SLC38A9: variants seen among roughly 807,000 people sequenced by gnomAD.
SLC38A9 encodes the protein neutral amino acid transporter 9.
A neutral mutation model predicts 62.3 loss-of-function variants in SLC38A9; 48 were observed. The ratio of observed to expected loss-of-function variants is 0.77; its 90% confidence interval spans 0.61 to 0.98. The LOEUF is 0.98. Among genes scored for constraint, SLC38A9 ranks in the 50% least tolerant of loss-of-function variants. The pLI, the probability that SLC38A9 is intolerant of heterozygous loss-of-function variation, is 0.00. For synonymous variants in SLC38A9, 204 were observed against 227.7 expected (o/e 0.90, Z 0.94); for missense variants, 541 against 679.8 (o/e 0.80, Z 2.27).
chr5:55,669,133 C>G, intron 7 of SLC38A9, 95 bp downstream of exon 7: 1 of 737,276 alleles, frequency 1.4e-6, no homozygotes, highest in South Asian at 2.2e-5. Flanking sequence ...AAGTAGACAG[C>G]TGACACACAT....
At position 55,626,323 on chromosome 5, in the gene SLC38A9, C is replaced by A; in HGVS notation, c.*171G>T. On this transcript the variant is annotated 3_prime_UTR_variant, in exon 16 of 16. Transcript: ENST00000396865. ...AAGATCATTCTTTTTGCCCCTTTCCCCACCCCAATAAAAAAATACTCATTA... is the reference window on the plus strand; with the variant it reads ...AAGATCATTCTTTTTGCCCCTTTCCACACCCCAATAAAAAAATACTCATTA... 1 of 565,554 alleles carries A rather than the reference C, an allele frequency of 1.8e-6. No homozygotes were observed. The highest frequency in any genetic ancestry group is 3.1e-6 in the Non-Finnish European group (1 of 327,662). The allele number at this position is 565,554 out of a possible 1,614,324, so 35.0% of individuals were successfully genotyped here.
At chr5:55,651,696 C>T (rs6890767) in intron 10 of SLC38A9, among the ~76,000 whole-genome samples, 4 of 151,894 alleles carry the variant, frequency 2.6e-5, no homozygotes, top group Non-Finnish European at 4.4e-5. Flanking sequence ...AATAAACCTA[C>T]GAAGCCTGAG....
chr5:55,704,756 C>T (rs1757082806), intron 2 of SLC38A9, among the ~76,000 whole-genome samples: 1 of 152,196 alleles, frequency 6.6e-6, no homozygotes, highest in Admixed American at 6.5e-5. Flanking sequence ...GAGATTTGGG[C>T]TATTCTGGTG....
intron 3 of SLC38A9, among the ~76,000 whole-genome samples, chr5:55,689,045 A>G (rs1754364340): frequency 6.6e-6 from 1 of 152,230 alleles, no homozygotes; most frequent in Admixed American, 6.5e-5. Flanking sequence ...AGCTAGTGTT[A>G]GAATAAGTAT....
rs149115966 is a variant in SLC38A9, at chr5:55,641,925, T to C, written c.1167+3864A>G. 1.3e-3 allele frequency among the ~76,000 whole-genome samples: 199 copies of C among 152,370 alleles called. No individual in the cohort carries two copies. The Middle Eastern group carries it at 0.014, about 10-fold the overall frequency. ...TAACTGAGATTTGAACAAATGTTGTTAGGAGGAACTGATGTAATTTAACTA... is the reference window on the plus strand; with the variant it reads ...TAACTGAGATTTGAACAAATGTTGTCAGGAGGAACTGATGTAATTTAACTA... On this transcript the variant is annotated intron_variant, in intron 12 of 15. Coordinates refer to ENST00000396865, the MANE Select transcript of SLC38A9 (RefSeq NM_173514.4).
chr5:55,703,146 G>C (rs75349614), intron 2 of SLC38A9, among the ~76,000 whole-genome samples: 3 of 151,634 alleles, frequency 2.0e-5, no homozygotes, highest in Non-Finnish European at 2.9e-5. Flanking sequence ...AATATACTGA[G>C]GTATTGAAAA....
chr5:55,626,983 A>G (rs1217950223), intron 15 of SLC38A9, among the ~76,000 whole-genome samples: 1 of 152,082 alleles, frequency 6.6e-6, no homozygotes, highest in African/African-American at 2.4e-5. Context: ...CCTATCTTTG[A>G]TCTTTTATAA....
At chr5:55,640,945 TC>T (rs1240447251) in intron 12 of SLC38A9, among the ~76,000 whole-genome samples, 2 of 152,128 alleles carry the variant, frequency 1.3e-5, no homozygotes, top group African/African-American at 4.8e-5. Flanking sequence ...CAAGCGATTC[TC>T]CTGCCTCAGC....
chr5:55,675,253 A>C (rs964028846), intron 3 of SLC38A9: 6 of 152,236 alleles, frequency 3.9e-5, no homozygotes, highest in African/African-American at 1.4e-4. Flanking sequence ...GTACCAGTTT[A>C]GTTGGCTTGA....
intron 14 of SLC38A9, among the ~76,000 whole-genome samples, chr5:55,632,040 A>C (rs1743555105): frequency 6.6e-6 from 1 of 152,228 alleles, no homozygotes; most frequent in Non-Finnish European, 1.5e-5. Context: ...ATCCCTAATA[A>C]GAGGTTAACA....
chr5:55,710,094 AAAG>A (rs1757818703), intron 2 of SLC38A9, among the ~76,000 whole-genome samples: 1 of 150,548 alleles, frequency 6.6e-6, no homozygotes, highest in Admixed American at 6.6e-5. Flanking sequence ...AAGAAAAAAA[AAAG>A]AAAAAGAAAA....
At chr5:55,656,829 T>C in intron 8 of SLC38A9, 55 bp from the exon 9 acceptor site, 1 of 901,542 alleles carries the variant, frequency 1.1e-6, no homozygotes, top group Non-Finnish European at 1.7e-6. Context: ...ACTAAATCTA[T>C]TACCCTTTAA....
intron 12 of SLC38A9, among the ~76,000 whole-genome samples, chr5:55,643,612 T>C (rs1046608056): frequency 1.3e-5 from 2 of 152,250 alleles, no homozygotes; most frequent in African/African-American, 4.8e-5. Flanking sequence ...TATCAATTAC[T>C]TGAAGGAGGG....
At chr5:55,675,262 G>C (rs1345137493) in intron 3 of SLC38A9, 3 of 152,196 alleles carry the variant, frequency 2.0e-5, no homozygotes, top group African/African-American at 7.2e-5. Flanking sequence ...TAGTTGGCTT[G>C]ACTACTCTGA....
chr5:55,670,047 C>A (rs927255114), intron 4 of SLC38A9, among the ~76,000 whole-genome samples, 168 bp from the exon 5 acceptor site: 1 of 152,068 alleles, frequency 6.6e-6, no homozygotes, highest in Non-Finnish European at 1.5e-5. Context: ...TCACTGCAAG[C>A]GCCGCCTCCT....
intron 8 of SLC38A9, 82 bp downstream of exon 8, chr5:55,664,611 A>G: frequency 1.3e-6 from 1 of 755,228 alleles, no homozygotes; most frequent in East Asian, 3.2e-5. Context: ...CCCAAGTCCT[A>G]GAATTTAAGG....
intron 2 of SLC38A9, among the ~76,000 whole-genome samples, chr5:55,709,992 C>T (rs1757788183): frequency 6.7e-6 from 1 of 148,766 alleles, no homozygotes; most frequent in African/African-American, 2.5e-5. Flanking sequence ...TCGCTTGAAC[C>T]CGGGAGGCAG....
At chr5:55,640,231 C>A (rs928665124) in intron 12 of SLC38A9, among the ~76,000 whole-genome samples, 1 of 152,120 alleles carries the variant, frequency 6.6e-6, no homozygotes, top group African/African-American at 2.4e-5. Context: ...GGTGATCCAA[C>A]CACCTCAGCC....
At chr5:55,651,972 AC>A (rs1167398510) in intron 10 of SLC38A9, among the ~76,000 whole-genome samples, 195 of 90,164 alleles carry the variant, frequency 2.2e-3, no homozygotes, top group South Asian at 3.5e-3. Context: ...AAAAAAAAAA[AC>A]ACACACACAC....
Sources: gnomAD v4.1 joint callset for allele counts (sites outside exome capture counted in the v4.1 genomes callset) on GRCh38, gnomAD v4.1.1 for gene constraint, MANE v1.5 for transcripts, NCBI Gene and HGNC (gene_info 2026-07-23, HGNC 2026-07-21) for gene names.